Variants in SLC8A3 observed in about 807,000 individuals in gnomAD.
SLC8A3 encodes sodium/calcium exchanger 3.
SLC8A3 carries 37 observed loss-of-function variants against 65.4 expected under a neutral mutation model. The observed-to-expected ratio is 0.57, with a 90% CI of 0.44 to 0.74. The LOEUF (loss-of-function observed/expected upper bound fraction) is 0.74. SLC8A3 is among the 30% of genes least tolerant of loss of function. The pLI, the probability that SLC8A3 is intolerant of heterozygous loss-of-function variation, is 0.00. For missense variants in SLC8A3, 1,112 were observed against 1,172.1 expected (o/e 0.95, Z 0.75); for synonymous variants, 461 against 444.5 (o/e 1.04, Z -0.47).
chr14:70,139,583 A>G (rs898891290), intron 2 of SLC8A3, among the ~76,000 whole-genome samples: 9 of 152,172 alleles, frequency 5.9e-5, no homozygotes, highest in African/African-American at 1.9e-4. Context: ...AAGGCAATGA[A>G]GCCCCGCCTT....
intron 2 of SLC8A3, among the ~76,000 whole-genome samples, chr14:70,139,242 C>T (rs1354064678): frequency 6.6e-6 from 1 of 152,116 alleles, no homozygotes; most frequent in African/African-American, 2.4e-5. Flanking sequence ...TTCTCTCCCT[C>T]CTTTCATGAG....
In SLC8A3 at chr14:70,168,245, G is replaced by T; in HGVS notation, c.178C>A (p.Leu60Met). The change falls in exon 2 of 7, where the codon CTG becomes ATG. Residue 60 changes from leucine to methionine, a missense_variant. Leu to Met is a conservative substitution (Grantham distance 15). Coordinates refer to ENST00000356921, the MANE Select transcript of SLC8A3 (RefSeq NM_182932.3). Reference sequence around the variant, plus strand: ...GGGTTCTCCGGGTACCAGATTGGCAGGATGACACCCTCCTTGCAGTCCGAT... The same window carrying T: ...GGGTTCTCCGGGTACCAGATTGGCATGATGACACCCTCCTTGCAGTCCGAT... ...GSSDCKEGVI[L>M]PIWYPENPSL... is the part of the protein sequence containing the mutation. 1 of 1,614,178 alleles carries T rather than the reference G, an allele frequency of 6.2e-7. No individual in the cohort carries two copies. Among genetic ancestry groups the T allele is most frequent in the South Asian group, 1.1e-5 (1 of 91,076 alleles).
chr14:70,137,786 CTTT>C (rs36057761), intron 2 of SLC8A3, among the ~76,000 whole-genome samples: 3 of 132,218 alleles, frequency 2.3e-5, no homozygotes, highest in Non-Finnish European at 4.8e-5. Context: ...CTGGTGGTGC[CTTT>C]TTTTTTTTTT....
chr14:70,181,479 A>T (rs1882748007), intron 1 of SLC8A3, among the ~76,000 whole-genome samples: 1 of 152,138 alleles, frequency 6.6e-6, no homozygotes, highest in African/African-American at 2.4e-5. Context: ...AAAAAAAAAA[A>T]AAGTGCATTT....
At chr14:70,189,310 T>C (rs1883620645), upstream of SLC8A3, among the ~76,000 whole-genome samples, 1 of 151,872 alleles carries the variant, frequency 6.6e-6, no homozygotes, top group African/African-American at 2.4e-5. Flanking sequence ...CGTCCTGACC[T>C]GGATTCCGCC....
intron 2 of SLC8A3, among the ~76,000 whole-genome samples, chr14:70,066,805 C>T (rs1889481740): frequency 6.6e-6 from 1 of 152,126 alleles, no homozygotes; most frequent in South Asian, 2.1e-4. Flanking sequence ...AGTGAGACTC[C>T]TTCTCAAAGC....
chr14:70,101,253 C>T lies in SLC8A3; in HGVS notation c.1785-40314G>A, dbSNP rs1237556337. ...TTTGAAGGAAAAATATAGGGTAAAA[C>T]AAGAGTATGTGATGGGGGATGAAAT... is the stretch of plus-strand genomic sequence containing the variant. On this transcript the variant is annotated intron_variant, in intron 2 of 6. Coordinates refer to ENST00000356921, the MANE Select transcript of SLC8A3 (RefSeq NM_182932.3). 2.0e-5 allele frequency among the ~76,000 whole-genome samples: 3 copies of T among 152,028 alleles called. No homozygotes were observed. In the East Asian group the frequency reaches 5.8e-4, roughly 29 times the overall value.
At chr14:70,050,676 C>T (rs1362723615) in intron 5 of SLC8A3, among the ~76,000 whole-genome samples, 1 of 152,116 alleles carries the variant, frequency 6.6e-6, no homozygotes, top group African/African-American at 2.4e-5. Flanking sequence ...TGACAGAAAT[C>T]AGAATTTATT....
chr14:70,113,519 C>T (rs4902778), intron 2 of SLC8A3, among the ~76,000 whole-genome samples: 62,055 of 152,082 alleles, frequency 0.41, 13,007 homozygotes, highest in Middle Eastern at 0.56. Flanking sequence ...TGGCATTTGC[C>T]AAGTGTATTA....
chr14:70,111,985 G>A (rs1893334533), intron 2 of SLC8A3, among the ~76,000 whole-genome samples: 1 of 152,218 alleles, frequency 6.6e-6, no homozygotes, highest in Non-Finnish European at 1.5e-5. Context: ...TGCAGTTACA[G>A]TAAAGGGATT....
chr14:70,148,607 A>G (rs1226683239), intron 2 of SLC8A3, among the ~76,000 whole-genome samples: 1 of 152,122 alleles, frequency 6.6e-6, no homozygotes, highest in African/African-American at 2.4e-5. Flanking sequence ...GCTAGTGGAG[A>G]TTTGAGAGCA....
chr14:70,120,328 G>T (rs763271854), intron 2 of SLC8A3, among the ~76,000 whole-genome samples: 1 of 152,208 alleles, frequency 6.6e-6, no homozygotes, highest in Non-Finnish European at 1.5e-5. Flanking sequence ...AGGGAAATTG[G>T]AGTGTTTAGT....
At chr14:70,151,255 A>C (rs973309257) in intron 2 of SLC8A3, among the ~76,000 whole-genome samples, 74 of 120,402 alleles carry the variant, frequency 6.1e-4, no homozygotes, top group African/African-American at 2.8e-3. Context: ...CTCCGCCTCA[A>C]AAAAAGAAAA....
At chr14:70,057,631 A>G (rs1888313420) in intron 3 of SLC8A3, among the ~76,000 whole-genome samples, 1 of 152,200 alleles carries the variant, frequency 6.6e-6, no homozygotes, top group Non-Finnish European at 1.5e-5. Context: ...GGTCAGCAAG[A>G]CCTGGGTAGG....
chr14:70,089,000 C>A (rs778182761), intron 2 of SLC8A3, among the ~76,000 whole-genome samples: 24 of 152,194 alleles, frequency 1.6e-4, no homozygotes, highest in Non-Finnish European at 2.5e-4. Flanking sequence ...ATATTCCTGA[C>A]CTGATTTGTA....
chr14:70,171,215 C>A (rs773004918), intron 1 of SLC8A3, among the ~76,000 whole-genome samples: 2 of 152,176 alleles, frequency 1.3e-5, no homozygotes, highest in Non-Finnish European at 2.9e-5. Flanking sequence ...GCCAACCAAT[C>A]CCAAGAGGGT....
rs745763951 is a variant in SLC8A3 at position 70,048,837 on chromosome 14, G to A, written c.2319C>T (p.Phe773=). The A allele has an allele frequency of 5.5e-5, 88 of 1,613,958 alleles. No individual in the cohort carries two copies. In the East Asian group the frequency reaches 1.3e-3, roughly 24 times the overall value. The change falls in exon 6 of 7, where the codon TTC becomes TTT. Residue 773 remains phenylalanine, a synonymous_variant. Transcript: ENST00000356921. ...AATCTTTGAGACCAATGGTGCAGCC[G>A]AAGTGCGAGGCCAGGTCCCCAATGA... The part of the protein sequence containing the change: ...TAIIGDLASH[F]GCTIGLKDSV...
At chr14:70,176,537 T>C (rs1174934061) in intron 1 of SLC8A3, among the ~76,000 whole-genome samples, 1 of 152,254 alleles carries the variant, frequency 6.6e-6, no homozygotes, top group East Asian at 1.9e-4. Flanking sequence ...CACCTGACTA[T>C]GACATTTGCA....
chr14:70,168,520 G>T, intron 1 of SLC8A3, 36 bp from the exon 2 acceptor site: 13 of 927,022 alleles, frequency 1.4e-5, no homozygotes, highest in Non-Finnish European at 3.2e-6. Context: ...AAGGCATGAG[G>T]AAAAAGGGGA....
Sources: gnomAD v4.1 joint callset for allele counts (sites outside exome capture counted in the v4.1 genomes callset) on GRCh38, gnomAD v4.1.1 for gene constraint, MANE v1.5 for transcripts, NCBI Gene and HGNC (gene_info 2026-07-23, HGNC 2026-07-21) for gene names.